The following UBOX5 variants were observed in gnomAD, a reference collection of about 807,000 sequenced individuals.
The protein encoded by UBOX5 is U-box domain containing 5, also known as RING finger protein 37.
Under a neutral mutation model 39.0 loss-of-function variants are expected in UBOX5, and 28 were observed. The observed-to-expected ratio is 0.72, with a 90% CI of 0.53 to 0.98. UBOX5 has a LOEUF of 0.98. UBOX5 is among the 50% of genes least tolerant of loss of function. The probability of loss-of-function intolerance (pLI) is 0.00; values close to 1 mark genes in which losing one functional copy is unlikely to be tolerated. For missense variants in UBOX5, 585 were observed against 674.4 expected, an observed-to-expected ratio of 0.87 and a Z score of 1.47; for synonymous variants, 283 against 275.5, an observed-to-expected ratio of 1.03 and a Z score of -0.27.
intron 1 of UBOX5, among the ~76,000 whole-genome samples, chr20:3,144,617 A>T (rs1201535343): frequency 6.6e-6 from 1 of 152,186 alleles, no homozygotes; most frequent in Non-Finnish European, 1.5e-5. Flanking sequence ...AAGAAAAAAT[A>T]ATAAATTGGG....
rs1398886650 is a variant in UBOX5 at position 3,115,312 on chromosome 20, G to A, written c.1410C>T (p.Thr470=). The A allele has an allele frequency of 5.0e-6, 8 of 1,610,624 alleles. No individual in the cohort carries two copies. The highest frequency in any genetic ancestry group is 1.1e-5 in the South Asian group (1 of 90,604). ...TGGCGGGGCCCATGTTACCCGAGCCGGTGCCAGGCCTCCAGGAAGTGTTGC... is the reference window on the plus strand; with the variant it reads ...TGGCGGGGCCCATGTTACCCGAGCCAGTGCCAGGCCTCCAGGAAGTGTTGC... ...RGSNTSWRPG[T]GSEQPGSILG... is the part of the protein sequence containing the mutation. The change falls in exon 4 of 5, where the codon ACC becomes ACT. Residue 470 remains threonine (T), a synonymous_variant. Coordinates refer to ENST00000217173, the MANE Select transcript of UBOX5 (RefSeq NM_014948.4).
Position 3,108,050 on chromosome 20 carries a change from G to A in UBOX5, c.*2056C>T, listed in dbSNP as rs888475369. 3.3e-5 allele frequency: 5 copies of A among 152,232 alleles called. No homozygotes were observed. The highest frequency in any genetic ancestry group is 1.2e-4 in the African/African-American group (5 of 41,450). 9.4% of individuals were successfully genotyped at this position (152,232 alleles called of 1,614,324 possible). ...GGCTGTTCCCTGAGACCATGACAGGGTGAAGGTGGGAATCACCAGCCCCCA... is the reference window on the plus strand; with the variant it reads ...GGCTGTTCCCTGAGACCATGACAGGATGAAGGTGGGAATCACCAGCCCCCA... On this transcript the variant is annotated 3_prime_UTR_variant, in exon 5 of 5. Coordinates refer to ENST00000217173, the MANE Select transcript of UBOX5 (RefSeq NM_014948.4).
chr20:3,151,723 T>G (rs868635035), intron 1 of UBOX5: 5 of 152,004 alleles, frequency 3.3e-5, no homozygotes, highest in South Asian at 2.1e-4. Context: ...TTCTTTAATA[T>G]TTAGATGATA....
chr20:3,125,420 C>T (rs2066376553), intron 1 of UBOX5, among the ~76,000 whole-genome samples: 2 of 137,694 alleles, frequency 1.5e-5, no homozygotes, highest in South Asian at 4.8e-4. Context: ...GGCCGCCCAT[C>T]ATCTGGGAAG....
At position 3,149,548 on chromosome 20, in the gene UBOX5, C is replaced by T. The variant is rs2066603627; in HGVS notation, c.-42+10218G>A. On this transcript the variant is annotated intron_variant, in intron 1 of 4. Coordinates refer to ENST00000217173, the MANE Select transcript of UBOX5 (RefSeq NM_014948.4). The surrounding 1 kb of genome is among the most constrained non-coding windows in gnomAD (Gnocchi z 4.1). ...AGTGACGGCTAAAGAAGAGACGGTG[C>T]TCCGCTAACATTTGATAGGAAGAAG... 6.6e-6 allele frequency among the ~76,000 whole-genome samples: 1 copy of T among 152,170 alleles called. No individual in the cohort carries two copies. Among genetic ancestry groups the T allele is most frequent in the African/African-American group, 2.4e-5 (1 of 41,456 alleles).
At chr20:3,153,131 T>C (rs2066648815) in intron 1 of UBOX5, among the ~76,000 whole-genome samples, 1 of 152,226 alleles carries the variant, frequency 6.6e-6, no homozygotes, top group African/African-American at 2.4e-5. Context: ...TAAATGATAT[T>C]AATTTTAAAA....
At chr20:3,113,233 A>C (rs2066267454) in intron 4 of UBOX5, among the ~76,000 whole-genome samples, 1 of 149,574 alleles carries the variant, frequency 6.7e-6, no homozygotes, top group Non-Finnish European at 1.5e-5. Context: ...GGTTGCAGTG[A>C]GCCGAGATTG....
chr20:3,158,747 T>G (rs1476950101), intron 1 of UBOX5, among the ~76,000 whole-genome samples: 1 of 152,258 alleles, frequency 6.6e-6, no homozygotes, highest in African/African-American at 2.4e-5. Context: ...GTGCTGGGAT[T>G]ACAGGCGTGA....
rs543512812 is a variant in UBOX5, at chr20:3,124,877, C to T, written c.-41-1471G>A. Among the ~76,000 whole-genome samples, 106 of 151,070 alleles carry T rather than the reference C, an allele frequency of 7.0e-4. 1 individual carries two copies. The Middle Eastern group carries it at 0.024, about 35-fold the overall frequency. On this transcript the variant is annotated intron_variant, in intron 1 of 4. Transcript: ENST00000217173. ...TTCTGAGAAGTGAGGAGCGCCTCTG[C>T]CCAGCCGCCCCGTCTGGGAGGTGAG...
intron 1 of UBOX5, among the ~76,000 whole-genome samples, chr20:3,125,039 C>T (rs1381056077): frequency 6.9e-6 from 1 of 145,302 alleles, no homozygotes; most frequent in South Asian, 2.2e-4. Flanking sequence ...TGGCAGCCAC[C>T]CCATCTGGTA....
At chr20:3,118,381 G>A (rs1193834785) in intron 3 of UBOX5, among the ~76,000 whole-genome samples, 1 of 151,698 alleles carries the variant, frequency 6.6e-6, no homozygotes, top group East Asian at 1.9e-4. Flanking sequence ...GCTGAGGCAG[G>A]AGAATTGCTT....
At chr20:3,133,032 T>A (rs2066441850) in intron 1 of UBOX5, among the ~76,000 whole-genome samples, 1 of 152,024 alleles carries the variant, frequency 6.6e-6, no homozygotes, top group Admixed American at 6.6e-5. Flanking sequence ...AACTCAGGAC[T>A]GAAGATCAAA....
rs550764874 is a variant in UBOX5, at chr20:3,134,789, C to T, written c.-41-11383G>A. Among the ~76,000 whole-genome samples the T allele has an allele frequency of 2.6e-5, 4 of 151,818 alleles. No individual in the cohort carries two copies. In the South Asian group the frequency reaches 8.3e-4, roughly 32 times the overall value. ...CAGGAGAATCACAATCACTTGAACCCGGGAGGTGGAGGTTGCACTTGGCCG... is the reference window on the plus strand; with the variant it reads ...CAGGAGAATCACAATCACTTGAACCTGGGAGGTGGAGGTTGCACTTGGCCG... On this transcript the variant is annotated intron_variant, in intron 1 of 4. Transcript: ENST00000217173.
chr20:3,155,642 A>T (rs79505257), intron 1 of UBOX5, among the ~76,000 whole-genome samples: 11,361 of 152,314 alleles, frequency 0.075, 531 homozygotes, highest in Middle Eastern at 0.13. Context: ...AAATTAAATT[A>T]AAAAATCCAT....
Position 3,108,048 on chromosome 20 carries a change from G to C in UBOX5, c.*2058C>G, listed in dbSNP as rs1182953516. 1.3e-5 allele frequency: 2 copies of C among 152,242 alleles called. No homozygotes were observed. The highest frequency in any genetic ancestry group is 4.8e-5 in the African/African-American group (2 of 41,456). 9.4% of individuals were successfully genotyped at this position (152,242 alleles called of 1,614,324 possible). ...CAGGCTGTTCCCTGAGACCATGACA[G>C]GGTGAAGGTGGGAATCACCAGCCCC... On this transcript the variant is annotated 3_prime_UTR_variant, in exon 5 of 5. Transcript: ENST00000217173.
rs1043301322 is a variant in UBOX5, at chr20:3,113,095, G to A, written c.1417+2210C>T. 5.6e-5 allele frequency among the ~76,000 whole-genome samples: 8 copies of A among 143,452 alleles called. No individual in the cohort carries two copies. In the East Asian group the frequency reaches 6.1e-4, roughly 11 times the overall value. The allele number at this position is 143,452 out of a possible 152,430, so 94.1% of individuals were successfully genotyped here. On this transcript the variant is annotated intron_variant, in intron 4 of 4. Transcript: ENST00000217173. ...TCGAGACCAGCCTGGCCAACATGGC[G>A]AAACGCTGTCTCTACTAAATATACA... is the stretch of plus-strand genomic sequence containing the variant.
rs2066241510 is a variant in UBOX5, at chr20:3,110,122, A to C, written c.1610T>G (p.Leu537Arg). The part of the protein sequence containing the change: ...CQRPVASQDV[L>R]RVHF The stretch of plus-strand genomic sequence containing the variant: ...GTCAGTCACTCAGAAGTGGACCCGC[A>C]GCACGTCTTGGCTAGCAACCGGCCG... The change falls in exon 5 of 5, where the codon CTG becomes CGG. Residue 537 changes from leucine to arginine, a missense_variant. By Grantham distance (102) the Leu-to-Arg change is moderately radical. Transcript: ENST00000217173. 6.2e-7 allele frequency: 1 copy of C among 1,612,198 alleles called. No homozygotes were observed. Among genetic ancestry groups the C allele is most frequent in the Non-Finnish European group, 8.5e-7 (1 of 1,180,008 alleles).
intron 1 of UBOX5, among the ~76,000 whole-genome samples, chr20:3,139,110 T>C (rs937521655): frequency 6.6e-6 from 1 of 152,218 alleles, no homozygotes; most frequent in African/African-American, 2.4e-5. Context: ...AGAAGTGCAC[T>C]ACTTCTTATA....
In UBOX5 at chr20:3,141,175, TC is replaced by T. The variant is rs1213473996; in HGVS notation, c.-41-17770del. Among the ~76,000 whole-genome samples the T allele has an allele frequency of 2.0e-5, 3 of 151,824 alleles. No homozygotes were observed. In the East Asian group the frequency reaches 5.8e-4, roughly 29 times the overall value. On this transcript the variant is annotated intron_variant, in intron 1 of 4. Transcript: ENST00000217173. ...CTCAGGTGATCCGCCCGCCTCAGCCTCCCAAAGTGCTGGGATTATAGATGTA... is the reference window on the plus strand; with the variant it reads ...CTCAGGTGATCCGCCCGCCTCAGCCTCCAAAGTGCTGGGATTATAGATGTA...
Sources: gnomAD v4.1 joint callset for allele counts (sites outside exome capture counted in the v4.1 genomes callset) on GRCh38, gnomAD v4.1.1 for gene constraint, Gnocchi (gnomAD v3.1) non-coding constraint, MANE v1.5 for transcripts, NCBI Gene and HGNC (gene_info 2026-07-23, HGNC 2026-07-21) for gene names.